Variants in CCDC39 observed in about 807,000 individuals in gnomAD.
CCDC39 encodes coiled-coil domain-containing protein 39.
A neutral mutation model predicts 121.0 loss-of-function variants in CCDC39; 113 were observed. The ratio of observed to expected loss-of-function variants is 0.93; its 90% CI spans 0.80 to 1.09. The LOEUF is 1.09. Ranked by LOEUF, CCDC39 falls within the 50% of genes least tolerant of loss-of-function variation. CCDC39 has a pLI of 0.00. For missense variants in CCDC39, 1,063 were observed against 1,074.7 expected (o/e 0.99, Z 0.15); for synonymous variants, 349 against 352.2 (o/e 0.99, Z 0.10).
In CCDC39 at chr3:180,654,816, T is replaced by C; in HGVS notation, c.876A>G (p.Lys292=). The change falls in exon 7 of 20, where the codon AAA becomes AAG. Residue 292 remains lysine, a synonymous_variant. Coordinates refer to ENST00000476379, the MANE Select transcript of CCDC39 (RefSeq NM_181426.2). ...CATGGTCCTGATATGCCGTTCTACA[T>C]TTTAAAAGTTTACGATCAGCCACAG... ...RISVADRKLL[K]CRTAYQDHET... is the part of the protein sequence containing the mutation. 6.2e-7 allele frequency: 1 copy of C among 1,611,398 alleles called. No homozygotes were observed. The highest frequency in any genetic ancestry group is 8.5e-7 in the Non-Finnish European group (1 of 1,178,770).
At chr3:180,661,344 A>G (rs1456038850) in intron 3 of CCDC39, among the ~76,000 whole-genome samples, 2 of 152,086 alleles carry the variant, frequency 1.3e-5, no homozygotes, top group African/African-American at 4.8e-5. Flanking sequence ...ACATTATAAA[A>G]TATGTAAGTG....
At chr3:180,647,264 A>AG in intron 10 of CCDC39, 21 bp from the exon 11 acceptor site, 1 of 1,534,306 alleles carries the variant, frequency 6.5e-7, no homozygotes, top group Non-Finnish European at 8.7e-7. Context: ...TTAAAAAAAA[A>AG]AAGGTATTAC....
intron 1 of CCDC39, among the ~76,000 whole-genome samples, chr3:180,677,169 TATATATATATA>T (rs1712250394): frequency 1.1e-3 from 5 of 4,552 alleles, no homozygotes; most frequent in East Asian, 0.013. Context: ...ATAATAATTT[TATATATATATA>T]TATATATATA....
intron 16 of CCDC39, among the ~76,000 whole-genome samples, chr3:180,618,334 G>A (rs1429965053): frequency 6.6e-6 from 1 of 151,906 alleles, no homozygotes; most frequent in Non-Finnish European, 1.5e-5. Flanking sequence ...TTGAAATCAT[G>A]GAATCTGCAA....
chr3:180,677,091 C>T (rs538074914), intron 1 of CCDC39, among the ~76,000 whole-genome samples: 115 of 143,328 alleles, frequency 8.0e-4, no homozygotes, highest in Non-Finnish European at 1.5e-3. Flanking sequence ...CACATGTATA[C>T]ATATGTAACA....
intron 9 of CCDC39, among the ~76,000 whole-genome samples, 187 bp from the exon 10 acceptor site, chr3:180,648,546 G>A (rs1469273682): frequency 2.6e-5 from 4 of 152,118 alleles, no homozygotes. Flanking sequence ...TATTCTAGTA[G>A]ACTAGGGTAG....
chr3:180,664,698 CT>C (rs535953318), intron 1 of CCDC39, among the ~76,000 whole-genome samples: 348 of 137,056 alleles, frequency 2.5e-3, no homozygotes, highest in Middle Eastern at 3.7e-3. Flanking sequence ...CACAAGAGAT[CT>C]TTTTTTTTTT....
At chr3:180,656,751 G>T (rs1424562941) in intron 6 of CCDC39, among the ~76,000 whole-genome samples, 1 of 152,166 alleles carries the variant, frequency 6.6e-6, no homozygotes, top group African/African-American at 2.4e-5. Flanking sequence ...AGATGGAAAA[G>T]AGAGTGACCT....
At chr3:180,629,252 CT>C (rs1202712694) in intron 14 of CCDC39, among the ~76,000 whole-genome samples, 1 of 152,166 alleles carries the variant, frequency 6.6e-6, no homozygotes, top group Non-Finnish European at 1.5e-5. Context: ...CATGAATTTG[CT>C]GGTAGATGCA....
chr3:180,665,071 G>A (rs569357645), intron 1 of CCDC39, among the ~76,000 whole-genome samples: 1 of 152,136 alleles, frequency 6.6e-6, no homozygotes, highest in South Asian at 2.1e-4. Context: ...AACAGAGCAG[G>A]AACCATAAAT....
intron 13 of CCDC39, among the ~76,000 whole-genome samples, chr3:180,638,683 A>C (rs374209091): frequency 1.3e-4 from 20 of 152,254 alleles, no homozygotes; most frequent in African/African-American, 4.3e-4. Context: ...AGATGCTAAA[A>C]GTCTTACTCT....
In CCDC39 at chr3:180,615,044, CTG is replaced by C. The variant is rs1452927830; in HGVS notation, c.2701_2702del (p.Gln901ValfsTer4). On this transcript the variant is annotated frameshift_variant, in exon 20 of 20. Transcript: ENST00000476379. LOFTEE classifies it low-confidence loss of function (END_TRUNC). ...TAAGCTCCAGTACTTTAATTGAAGA[CTG>C]AGAAGTAGATGTACTTGTACTCCTA... Reference protein sequence around the residue: ...SSRSTSTSTSQSSIKVLELKF... With the variant: ...SSRSTSTSTSXSSIKVLELKF... 78 of 1,552,902 alleles carry C rather than the reference CTG, an allele frequency of 5.0e-5. No individual in the cohort carries two copies. Among genetic ancestry groups the C allele is most frequent in the Middle Eastern group, 1.7e-4 (1 of 6,004 alleles).
At chr3:180,667,413 C>T (rs577878803) in intron 1 of CCDC39, among the ~76,000 whole-genome samples, 1 of 152,286 alleles carries the variant, frequency 6.6e-6, no homozygotes, top group African/African-American at 2.4e-5. Context: ...CTATTAGCAT[C>T]ATTTTTCCAA....
chr3:180,638,921 C>G (rs1203330183), intron 13 of CCDC39, among the ~76,000 whole-genome samples: 2 of 151,880 alleles, frequency 1.3e-5, no homozygotes, highest in Non-Finnish European at 2.9e-5. Context: ...AAATATATAC[C>G]TACCACATGA....
At chr3:180,651,645 G>A (rs570867524) in intron 8 of CCDC39, 112 bp from the exon 9 acceptor site, 150 of 1,021,900 alleles carry the variant, frequency 1.5e-4, no homozygotes, top group Middle Eastern at 6.6e-4. Flanking sequence ...GGTTTTTTGC[G>A]TAAACCTTTT....
At chr3:180,641,776 G>A (rs1717959338) in intron 13 of CCDC39, among the ~76,000 whole-genome samples, 1 of 152,064 alleles carries the variant, frequency 6.6e-6, no homozygotes, top group African/African-American at 2.4e-5. Flanking sequence ...AAGTAGATTA[G>A]TGATCTTAAT....
intron 13 of CCDC39, among the ~76,000 whole-genome samples, chr3:180,641,076 G>A (rs1219291716): frequency 6.6e-6 from 1 of 152,000 alleles, no homozygotes; most frequent in Non-Finnish European, 1.5e-5. Flanking sequence ...AAGATAATAT[G>A]TAACAGACAA....
At chr3:180,617,089 G>T (rs1324527889) in intron 16 of CCDC39, 123 bp from the exon 17 acceptor site, 2 of 593,386 alleles carry the variant, frequency 3.4e-6, no homozygotes, top group African/African-American at 1.9e-5. Context: ...CATTATTTCT[G>T]TTGATGTACC....
intron 13 of CCDC39, among the ~76,000 whole-genome samples, chr3:180,632,930 A>T (rs1027632477): frequency 2.0e-5 from 3 of 152,234 alleles, no homozygotes; most frequent in Non-Finnish European, 4.4e-5. Flanking sequence ...ATGATAACCA[A>T]AAAATTACCA....
Sources: gnomAD v4.1 joint callset for allele counts (sites outside exome capture counted in the v4.1 genomes callset) on GRCh38, gnomAD v4.1.1 for gene constraint, MANE v1.5 for transcripts, NCBI Gene and HGNC (gene_info 2026-07-23, HGNC 2026-07-21) for gene names.